The following PRR27 variants were observed in gnomAD, a reference collection of about 807,000 sequenced individuals.
The protein encoded by PRR27 is proline rich 27.
In PRR27, 12 loss-of-function variants were observed where a neutral mutation model predicts 16.8. The ratio of observed to expected loss-of-function variants is 0.71; its 90% confidence interval spans 0.46 to 1.16. PRR27 has a LOEUF of 1.16. Among genes scored for constraint, PRR27 ranks in the 50% most tolerant of loss-of-function variants. PRR27 has a pLI of 0.00. For synonymous variants in PRR27, 100 were observed against 98.4 expected, an observed-to-expected ratio of 1.02 and a Z score of -0.10; for missense variants, 277 against 273.3, an observed-to-expected ratio of 1.01 and a Z score of -0.10.
Position 70,160,443 on chromosome 4 carries a change from C to CTCTGTGTGTGTG in PRR27, c.649-1142_649-1141insCTGTGTGTGTGT, listed in dbSNP as rs1298386504. ...TCTCTCTCTCTCTCTCTCTCTCTCTCTGTGTGTGTGTGTGTGTGTGTGTGT... is the reference window on the plus strand; with the variant it reads ...TCTCTCTCTCTCTCTCTCTCTCTCTCTCTGTGTGTGTGTGTGTGTGTGTGTGTGTGTGTGTGT... On this transcript the variant is annotated intron_variant, in intron 3 of 4. Coordinates refer to ENST00000344526, the MANE Select transcript of PRR27 (RefSeq NM_214711.4). 1.1e-3 allele frequency among the ~76,000 whole-genome samples: 74 copies of CTCTGTGTGTGTG among 68,704 alleles called. 1 individual carries two copies. Among genetic ancestry groups the CTCTGTGTGTGTG allele is most frequent in the East Asian group, 7.2e-3 (13 of 1,804 alleles). 45.1% of individuals were successfully genotyped at this position (68,704 alleles called of 152,430 possible). A position where few individuals can be genotyped will look rare whatever the true frequency, so the allele number is the denominator to read the frequency against.
At position 70,158,824 on chromosome 4, in the gene PRR27, A is replaced by G; in HGVS notation, c.572A>G (p.Glu191Gly). The G allele has an allele frequency of 6.2e-7, 1 of 1,613,856 alleles. No homozygotes were observed. Among genetic ancestry groups the G allele is most frequent in the Non-Finnish European group, 8.5e-7 (1 of 1,179,928 alleles). The change falls in exon 3 of 5, where the codon GAG (glutamate) becomes GGG (glycine). Residue 191 changes from glutamate (E) to glycine (G), a missense_variant. Transcript: ENST00000344526. Reference sequence around the variant, plus strand: ...CCTGTTGGAGTGGAGCCAGCTGCAGAGGAACCTTCACCAGCTGAGCCTGCT... The same window carrying G: ...CCTGTTGGAGTGGAGCCAGCTGCAGGGGAACCTTCACCAGCTGAGCCTGCT... Reference protein sequence around the residue: ...EAPVGVEPAAEEPSPAEPATA... With the variant: ...EAPVGVEPAAGEPSPAEPATA...
chr4:70,156,055 G>A lies in PRR27; in HGVS notation c.53G>A (p.Arg18Lys). Residue 18 changes from arginine (R) to lysine (K), a missense_variant and splice_region_variant, in exon 2 of 5, where the codon AGA (arginine) becomes AAA (lysine). Physicochemically the swap from Arg to Lys is conservative, Grantham distance 26. Coordinates refer to ENST00000344526, the MANE Select transcript of PRR27 (RefSeq NM_214711.4). ...CIVCVAFARK[R>K]RFPFIGEDDN... ...AAAATATATTTTTCTTTATTTTAGA[G>A]ACGGTTCCCCTTCATTGGTGAGGTA... 7.0e-7 allele frequency: 1 copy of A among 1,436,044 alleles called. No individual in the cohort carries two copies. The highest frequency in any genetic ancestry group is 1.4e-5 in the South Asian group (1 of 72,656). The allele number at this position is 1,436,044 out of a possible 1,614,324, so 89.0% of individuals were successfully genotyped here.
chr4:70,155,920 A>G, intron 1 of PRR27, 134 bp from the exon 2 acceptor site: 3 of 593,150 alleles, frequency 5.1e-6, no homozygotes, highest in South Asian at 2.0e-5. Flanking sequence ...AAAAATTCAT[A>G]TTAGTTACTC....
rs1728538931 is a variant in PRR27 at position 70,158,321 on chromosome 4, C to T, written c.76-7C>T. The T allele has an allele frequency of 5.0e-6, 8 of 1,589,728 alleles. No homozygotes were observed. The highest frequency in any genetic ancestry group is 1.7e-5 in the Admixed American group (1 of 59,606). ...AATCAACTTCGACTTCTTTGTTTCT[C>T]CTTTAGGATGACAATGACGATGGTC... On this transcript the variant is annotated splice_polypyrimidine_tract_variant and splice_region_variant and intron_variant, in intron 2 of 4. Coordinates refer to ENST00000344526, the MANE Select transcript of PRR27 (RefSeq NM_214711.4).
intron 1 of PRR27, among the ~76,000 whole-genome samples, chr4:70,155,612 C>T (rs1318464515): frequency 6.6e-6 from 1 of 152,118 alleles, no homozygotes; most frequent in Non-Finnish European, 1.5e-5. Flanking sequence ...TCGTGATCCG[C>T]CCCCTCGGCC....
rs112522928 is a variant in PRR27, at chr4:70,161,623, T to C, written c.*26T>C. 1.3e-4 allele frequency: 194 copies of C among 1,463,094 alleles called. No individual in the cohort carries two copies. The African/African-American group carries it at 2.4e-3, about 18-fold the overall frequency. The allele number at this position is 1,463,094 out of a possible 1,614,324, so 90.6% of individuals were successfully genotyped here. ...AATTCTCTAGAAGAGTACCATGGGT[T>C]CATTTCTGTAAGTCATATGTGATAA... On this transcript the variant is annotated 3_prime_UTR_variant, in exon 4 of 5. Coordinates refer to ENST00000344526, the MANE Select transcript of PRR27 (RefSeq NM_214711.4).
Position 70,163,854 on chromosome 4 carries a change from C to G in PRR27, c.*1193C>G, listed in dbSNP as rs1728701011. 6.6e-6 allele frequency: 1 copy of G among 151,754 alleles called. No homozygotes were observed. The highest frequency in any genetic ancestry group is 6.6e-5 in the Admixed American group (1 of 15,206). The allele number at this position is 151,754 out of a possible 1,614,324, so 9.4% of individuals were successfully genotyped here. On this transcript the variant is annotated 3_prime_UTR_variant, in exon 5 of 5. Transcript: ENST00000344526. ...TTCTAACTTCATTCCCTATCATTCTCCATCTTGCCCCATGCTCCTCATGCA... is the reference window on the plus strand; with the variant it reads ...TTCTAACTTCATTCCCTATCATTCTGCATCTTGCCCCATGCTCCTCATGCA...
At position 70,165,726 on chromosome 4, in the gene PRR27, A is replaced by G. The variant is rs1728750652; in HGVS notation, c.*3065A>G. 1 of 152,074 alleles carries G rather than the reference A, an allele frequency of 6.6e-6. No individual in the cohort carries two copies. Among genetic ancestry groups the G allele is most frequent in the Non-Finnish European group, 1.5e-5 (1 of 67,962 alleles). The allele number at this position is 152,074 out of a possible 1,614,324, so 9.4% of individuals were successfully genotyped here. Reference sequence around the variant, plus strand: ...TTACTGTATAGCGTTCCCTTTAGCCACTGGAAAATGATATAATGTCATTGC... The same window carrying G: ...TTACTGTATAGCGTTCCCTTTAGCCGCTGGAAAATGATATAATGTCATTGC... On this transcript the variant is annotated 3_prime_UTR_variant, in exon 5 of 5. Coordinates refer to ENST00000344526, the MANE Select transcript of PRR27 (RefSeq NM_214711.4).
rs1728768317 is a variant in PRR27 at position 70,166,430 on chromosome 4, G to GA, written c.*3773dup. ...AAAACTGAAATAAAAAATTATAAGA[G>GA]AAAATACTATTTTCCACCAATATCA... On this transcript the variant is annotated 3_prime_UTR_variant, in exon 5 of 5. Transcript: ENST00000344526. The GA allele has an allele frequency of 6.6e-6, 1 of 151,918 alleles. No homozygotes were observed. Among genetic ancestry groups the GA allele is most frequent in the Non-Finnish European group, 1.5e-5 (1 of 67,920 alleles). The allele number at this position is 151,918 out of a possible 1,614,324, so 9.4% of individuals were successfully genotyped here.
chr4:70,154,666 G>C lies in PRR27; in HGVS notation c.51+240G>C, dbSNP rs372476398. ...AAAGGAGGTAAGTTCATAAATGTAG[G>C]AGGCTGGAGGAGGAAAAATTATAGA... On this transcript the variant is annotated intron_variant, in intron 1 of 4. Transcript: ENST00000344526. 4.9e-5 allele frequency: 49 copies of C among 991,544 alleles called. No individual in the cohort carries two copies. The East Asian group carries it at 8.8e-4, about 18-fold the overall frequency. 61.4% of individuals were successfully genotyped at this position (991,544 alleles called of 1,614,324 possible).
At chr4:70,158,957 G>GA (rs372043073) in intron 3 of PRR27, 57 bp downstream of exon 3, 18,226 of 776,988 alleles carry the variant, frequency 0.023, 2 homozygotes, top group Non-Finnish European at 0.028. Flanking sequence ...TGTAGAAGGG[G>GA]AAAAAAAAAA....
chr4:70,160,143 C>A (rs1428523072), intron 3 of PRR27, among the ~76,000 whole-genome samples: 1 of 152,108 alleles, frequency 6.6e-6, no homozygotes, highest in East Asian at 1.9e-4. Context: ...TCCCTTCTCC[C>A]TGGTAGTGAG....
At position 70,158,635 on chromosome 4, in the gene PRR27, C is replaced by A; in HGVS notation, c.383C>A (p.Pro128His). The A allele has an allele frequency of 1.2e-6, 2 of 1,614,148 alleles. No homozygotes were observed. Among genetic ancestry groups the A allele is most frequent in the Non-Finnish European group, 1.7e-6 (2 of 1,180,022 alleles). The change falls in exon 3 of 5, where the codon CCT (proline) becomes CAT (histidine). Residue 128 changes from proline (P) to histidine (H), a missense_variant. Transcript: ENST00000344526. ...FSAAAAPAAP[P>H]IAAEPAAAAP... ...GCAGCTGCAGCACCCGCTGCCCCACCTATTGCAGCTGAGCCTGCTGCAGCT... is the reference window on the plus strand; with the variant it reads ...GCAGCTGCAGCACCCGCTGCCCCACATATTGCAGCTGAGCCTGCTGCAGCT...
intron 2 of PRR27, 123 bp from the exon 3 acceptor site, chr4:70,158,205 A>G: frequency 1.5e-6 from 1 of 685,830 alleles, no homozygotes; most frequent in African/African-American, 1.8e-5. Context: ...AGACTTAAGA[A>G]AGATAAGACA....
Position 70,163,564 on chromosome 4 carries a change from G to C in PRR27, c.*903G>C, listed in dbSNP as rs570410961. ...CCTGACCTCATGATCTGTCCGCCTC[G>C]GCCTCCCAAAGTGCTGGGAATACAG... On this transcript the variant is annotated 3_prime_UTR_variant, in exon 5 of 5. Transcript: ENST00000344526. 11 of 152,256 alleles carry C rather than the reference G, an allele frequency of 7.2e-5. No individual in the cohort carries two copies. The highest frequency in any genetic ancestry group is 2.7e-4 in the African/African-American group (11 of 41,358). 9.4% of individuals were successfully genotyped at this position (152,256 alleles called of 1,614,324 possible).
At chr4:70,160,439 C>G (rs3966059) in intron 3 of PRR27, among the ~76,000 whole-genome samples, 40,751 of 84,722 alleles carry the variant, frequency 0.48, 7,872 homozygotes, top group Non-Finnish European at 0.57. Flanking sequence ...CTCTCTCTCT[C>G]TCTCTGTGTG....
chr4:70,160,228 C>T (rs140445783), intron 3 of PRR27, among the ~76,000 whole-genome samples: 58 of 152,116 alleles, frequency 3.8e-4, no homozygotes, highest in African/African-American at 1.4e-3. Flanking sequence ...TTCCTTGTTC[C>T]TATATTTATG....
In PRR27 at chr4:70,158,532, C is replaced by G. The variant is rs1728548933; in HGVS notation, c.280C>G (p.Pro94Ala). The G allele has an allele frequency of 6.2e-7, 1 of 1,614,052 alleles. No homozygotes were observed. Among genetic ancestry groups the G allele is most frequent in the African/African-American group, 1.3e-5 (1 of 74,910 alleles). The change falls in exon 3 of 5, where the codon CCC becomes GCC. Residue 94 changes from proline (P) to alanine (A), a missense_variant. Physicochemically the swap from Pro to Ala is conservative, Grantham distance 27. Coordinates refer to ENST00000344526, the MANE Select transcript of PRR27 (RefSeq NM_214711.4). Reference sequence around the variant, plus strand: ...CTATGTCTATCACATCCGTGGTTTTCCCTTAGCTACTCAGTTGAATGTTCC... The same window carrying G: ...CTATGTCTATCACATCCGTGGTTTTGCCTTAGCTACTCAGTTGAATGTTCC... ...FPYVYHIRGF[P>A]LATQLNVPPL...
intron 1 of PRR27, among the ~76,000 whole-genome samples, chr4:70,154,967 A>G (rs2109789152): frequency 6.6e-6 from 1 of 152,330 alleles, no homozygotes; most frequent in South Asian, 2.1e-4. Flanking sequence ...GCCAGTGACT[A>G]TGCTAAATAT....
Sources: allele counts gnomAD v4.1 joint callset (sites outside exome capture counted in the v4.1 genomes callset), GRCh38; gene constraint gnomAD v4.1.1; transcripts MANE v1.5; gene names NCBI Gene and HGNC (gene_info 2026-07-23, HGNC 2026-07-21).